Variants in SIAH3 observed in about 807,000 individuals in gnomAD.
SIAH3 encodes siah E3 ubiquitin protein ligase family member 3.
In SIAH3, 9 loss-of-function variants were observed where a neutral mutation model predicts 12.6. The observed-to-expected ratio is 0.72, with a 90% confidence interval of 0.43 to 1.25. The LOEUF (loss-of-function observed/expected upper bound fraction) is 1.25. SIAH3 is among the 50% of genes most tolerant of loss of function. The pLI is 0.00. For missense variants in SIAH3, 390 were observed against 365.4 expected (o/e 1.07, Z -0.55); for synonymous variants, 154 against 151.1 (o/e 1.02, Z -0.14).
At chr13:45,801,529 A>G (rs1006835265) in intron 1 of SIAH3, among the ~76,000 whole-genome samples, 4 of 152,218 alleles carry the variant, frequency 2.6e-5, no homozygotes, top group Non-Finnish European at 5.9e-5. Flanking sequence ...TGTCCTGGAT[A>G]TGTGACCATG....
intron 1 of SIAH3, among the ~76,000 whole-genome samples, chr13:45,789,168 G>A (rs1447149700): frequency 6.6e-6 from 1 of 152,118 alleles, no homozygotes; most frequent in East Asian, 1.9e-4. Flanking sequence ...CAACAGTAAG[G>A]CTTTTACCAC....
intron 1 of SIAH3, among the ~76,000 whole-genome samples, chr13:45,816,355 A>G (rs537826382): frequency 1.3e-5 from 2 of 152,380 alleles, no homozygotes; most frequent in South Asian, 4.1e-4. Flanking sequence ...CTGAACTGGA[A>G]TAAAGACATG....
At chr13:45,798,711 T>C (rs1372525176) in intron 1 of SIAH3, among the ~76,000 whole-genome samples, 1 of 152,216 alleles carries the variant, frequency 6.6e-6, no homozygotes, top group Non-Finnish European at 1.5e-5. Context: ...ATAGAAGCTC[T>C]CCCCTGCAGT....
intron 1 of SIAH3, among the ~76,000 whole-genome samples, chr13:45,839,598 C>T (rs1008887875): frequency 6.6e-6 from 1 of 152,106 alleles, no homozygotes; most frequent in Non-Finnish European, 1.5e-5. Context: ...TTTGGGAGGC[C>T]AAGGTGGGTG....
intron 1 of SIAH3, among the ~76,000 whole-genome samples, chr13:45,836,079 G>A (rs1003717371): frequency 1.6e-4 from 24 of 152,146 alleles, no homozygotes; most frequent in Admixed American, 2.6e-4. Context: ...ATAGGGACAC[G>A]GATATGCAAG....
At chr13:45,817,361 T>A (rs1468098497) in intron 1 of SIAH3, among the ~76,000 whole-genome samples, 1 of 152,252 alleles carries the variant, frequency 6.6e-6, no homozygotes, top group Non-Finnish European at 1.5e-5. Flanking sequence ...GAGGCTAGAT[T>A]ATCTAGGTCT....
At chr13:45,816,193 C>T (rs1950633815) in intron 1 of SIAH3, among the ~76,000 whole-genome samples, 1 of 152,234 alleles carries the variant, frequency 6.6e-6, no homozygotes. Context: ...AAAGCTTCAT[C>T]CTTGCTGATG....
chr13:45,845,538 T>C (rs1950756423), intron 1 of SIAH3, among the ~76,000 whole-genome samples: 1 of 152,226 alleles, frequency 6.6e-6, no homozygotes, highest in East Asian at 1.9e-4. Context: ...TTTGTGAATA[T>C]AGTTTGTCTG....
At chr13:45,794,660 T>C (rs761127394) in intron 1 of SIAH3, among the ~76,000 whole-genome samples, 1 of 152,194 alleles carries the variant, frequency 6.6e-6, no homozygotes, top group East Asian at 1.9e-4. Context: ...CCTGCCACCA[T>C]GTAAGACGTG....
Position 45,783,542 on chromosome 13 carries a change from C to T in SIAH3, c.651G>A (p.Thr217=), listed in dbSNP as rs758362830. ...RNHRRLKWEA[T]PRSVLECVDS... ...CCACGCACTCAAGAACAGACCGGGG[C>T]GTGGCCTCCCACTTGAGGCGCCGAT... is the stretch of plus-strand genomic sequence containing the variant. Residue 217 remains threonine, a synonymous_variant, in exon 2 of 2, where the codon ACG becomes ACA. Transcript: ENST00000400405. 2.4e-5 allele frequency: 38 copies of T among 1,614,062 alleles called. No individual in the cohort carries two copies. Among genetic ancestry groups the T allele is most frequent in the Non-Finnish European group, 3.0e-5 (35 of 1,180,042 alleles).
At chr13:45,832,898 T>C (rs946334513) in intron 1 of SIAH3, among the ~76,000 whole-genome samples, 6 of 152,394 alleles carry the variant, frequency 3.9e-5, no homozygotes, top group Middle Eastern at 6.8e-3. Context: ...TCTCAGAACA[T>C]GCTCTGATCA....
chr13:45,847,622 C>CGTGTGT (rs112078778), intron 1 of SIAH3, among the ~76,000 whole-genome samples: 6,300 of 146,902 alleles, frequency 0.043, 302 homozygotes, highest in East Asian at 0.17. Context: ...TCCATGTGTT[C>CGTGTGT]GTGTGTGTGT....
intron 1 of SIAH3, among the ~76,000 whole-genome samples, chr13:45,786,623 C>T (rs568974778): frequency 3.3e-5 from 5 of 152,222 alleles, no homozygotes; most frequent in African/African-American, 9.6e-5. Context: ...GTCTGTAAAA[C>T]GGCGTTACAA....
rs780376821 is a variant in SIAH3, at chr13:45,779,919, T to A, written c.*3464A>T. ...CCTCCATTTCGGCGTCAACCATGTA[T>A]GTAGGCTCAGCCTCAAGGGGAGGAA... On this transcript the variant is annotated 3_prime_UTR_variant, in exon 2 of 2. Transcript: ENST00000400405. 6.6e-6 allele frequency: 1 copy of A among 152,240 alleles called. No individual in the cohort carries two copies. Among genetic ancestry groups the A allele is most frequent in the Non-Finnish European group, 1.5e-5 (1 of 68,054 alleles). The allele number at this position is 152,240 out of a possible 1,614,324, so 9.4% of individuals were successfully genotyped here. A position where few individuals can be genotyped will look rare whatever the true frequency, so the allele number is the denominator to read the frequency against.
intron 1 of SIAH3, among the ~76,000 whole-genome samples, chr13:45,827,145 A>G (rs534479241): frequency 2.6e-5 from 4 of 152,276 alleles, no homozygotes; most frequent in Admixed American, 2.0e-4. Context: ...TGACTGACCC[A>G]GCTCTGGTCC....
At chr13:45,795,322 A>C (rs980044715) in intron 1 of SIAH3, among the ~76,000 whole-genome samples, 1 of 152,222 alleles carries the variant, frequency 6.6e-6, no homozygotes, top group African/African-American at 2.4e-5. Context: ...GTTTATGTGA[A>C]CAGCATCTCA....
intron 1 of SIAH3, among the ~76,000 whole-genome samples, chr13:45,824,954 G>C (rs939883880): frequency 3.3e-5 from 5 of 150,588 alleles, no homozygotes; most frequent in African/African-American, 1.2e-4. Flanking sequence ...GCTGTGCTGA[G>C]AAGTGACAGA....
At chr13:45,828,397 A>T (rs754373662) in intron 1 of SIAH3, among the ~76,000 whole-genome samples, 9 of 152,196 alleles carry the variant, frequency 5.9e-5, no homozygotes, top group Non-Finnish European at 1.2e-4. Flanking sequence ...AGCAGGCACC[A>T]AGTAAAGGTT....
intron 1 of SIAH3, among the ~76,000 whole-genome samples, chr13:45,833,476 C>T (rs1950706908): frequency 6.8e-6 from 1 of 146,964 alleles, no homozygotes; most frequent in Admixed American, 6.8e-5. Context: ...TACACACACA[C>T]ATGCACACAC....
Sources: gnomAD v4.1 joint callset for allele counts (sites outside exome capture counted in the v4.1 genomes callset) on GRCh38, gnomAD v4.1.1 for gene constraint, MANE v1.5 for transcripts, NCBI Gene and HGNC (gene_info 2026-07-23, HGNC 2026-07-21) for gene names.